The following MCTP2 variants were observed in gnomAD, a reference collection of about 807,000 sequenced individuals.
MCTP2 encodes multiple C2 and transmembrane domain containing 2.
A neutral mutation model predicts 111.6 loss-of-function variants in MCTP2; 132 were observed. The ratio of observed to expected loss-of-function variants is 1.18; its 90% CI spans 1.03 to 1.37. MCTP2 has a LOEUF of 1.37. MCTP2 is among the 40% of genes most tolerant of loss of function. The pLI, the probability that MCTP2 is intolerant of heterozygous loss-of-function variation, is 0.00. For missense variants in MCTP2, 1,183 were observed against 1,067.9 expected (o/e 1.11, Z -1.50); for synonymous variants, 395 against 387.7 (o/e 1.02, Z -0.22).
At chr15:94,428,177 A>C (rs2082985010) in intron 17 of MCTP2, among the ~76,000 whole-genome samples, 1 of 152,148 alleles carries the variant, frequency 6.6e-6, no homozygotes, top group South Asian at 2.1e-4. Flanking sequence ...TTGATATTTA[A>C]GTTCATGAGG....
At chr15:94,255,173 A>G (rs985514616) in intron 1 of MCTP2, among the ~76,000 whole-genome samples, 6 of 152,190 alleles carry the variant, frequency 3.9e-5, no homozygotes, top group Non-Finnish European at 8.8e-5. Context: ...CTATACCCCA[A>G]TTAGTTTATG....
chr15:94,362,435 A>G (rs2078988955), intron 10 of MCTP2, among the ~76,000 whole-genome samples: 1 of 152,238 alleles, frequency 6.6e-6, no homozygotes, highest in Non-Finnish European at 1.5e-5. Flanking sequence ...CATTTGGACT[A>G]GCCTGCCTCA....
chr15:94,335,860 C>A (rs981273894), intron 4 of MCTP2, among the ~76,000 whole-genome samples: 3 of 151,918 alleles, frequency 2.0e-5, no homozygotes, highest in Non-Finnish European at 4.4e-5. Flanking sequence ...ATTTTTTTTC[C>A]TGTAAAATGC....
At chr15:94,325,844 G>A (rs1320698004) in intron 4 of MCTP2, among the ~76,000 whole-genome samples, 2 of 98,828 alleles carry the variant, frequency 2.0e-5, no homozygotes, top group Non-Finnish European at 3.6e-5. Context: ...TTTTTGAGAC[G>A]GAGTCTTGGT....
At chr15:94,294,891 T>C (rs926856161) in intron 1 of MCTP2, among the ~76,000 whole-genome samples, 75 of 151,682 alleles carry the variant, frequency 4.9e-4, no homozygotes, top group African/African-American at 1.8e-3. Flanking sequence ...TACTTTTATT[T>C]ATATTTATTT....
rs201403976 is a variant in MCTP2, at chr15:94,340,181, C to T, written c.781-18C>T. Reference sequence around the variant, plus strand: ...TTTACCATAATAATGTGTTAATTGACCTCTGTCCTCTTTGTAGGTATATGA... The same window carrying T: ...TTTACCATAATAATGTGTTAATTGATCTCTGTCCTCTTTGTAGGTATATGA... On this transcript the variant is annotated intron_variant, in intron 5 of 22. Coordinates refer to ENST00000357742, the MANE Select transcript of MCTP2 (RefSeq NM_001385001.1). 3.2e-6 allele frequency: 5 copies of T among 1,573,262 alleles called. No individual in the cohort carries two copies. In the East Asian group the frequency reaches 9.0e-5, roughly 28 times the overall value.
In MCTP2 at chr15:94,340,925, G is replaced by A. The variant is rs777630390; in HGVS notation, c.969+1G>A. ...AAAACAGGGTGATTTCAAGAGACAC[G>A]TAAGTGGGACCTTCTATTCTTTTGA... On this transcript the variant is annotated splice_donor_variant, in intron 7 of 22. Transcript: ENST00000357742. LOFTEE classifies it high-confidence loss of function. 10 of 1,564,284 alleles carry A rather than the reference G, an allele frequency of 6.4e-6. No homozygotes were observed. Among genetic ancestry groups the A allele is most frequent in the East Asian group, 4.5e-5 (2 of 44,584 alleles).
At chr15:94,318,073 G>A (rs7176196) in intron 4 of MCTP2, among the ~76,000 whole-genome samples, 127,496 of 152,044 alleles carry the variant, frequency 0.84, 53,922 homozygotes, top group East Asian at 0.99. Context: ...GCCTCCCACA[G>A]ATATCCTGAT....
chr15:94,281,298 T>A (rs1221395665), intron 1 of MCTP2, among the ~76,000 whole-genome samples: 1 of 152,184 alleles, frequency 6.6e-6, no homozygotes, highest in Non-Finnish European at 1.5e-5. Context: ...TGAATTGAAC[T>A]CTTTATCATT....
At chr15:94,453,023 G>A (rs2084564525) in intron 19 of MCTP2, among the ~76,000 whole-genome samples, 4 of 152,150 alleles carry the variant, frequency 2.6e-5, no homozygotes, top group Admixed American at 2.6e-4. Flanking sequence ...TTTCTTTACT[G>A]AAGAATTTTA....
chr15:94,468,156 T>C (rs552770998), intron 20 of MCTP2, among the ~76,000 whole-genome samples: 125 of 152,208 alleles, frequency 8.2e-4, no homozygotes, highest in African/African-American at 2.9e-3. Context: ...CAAACTGATA[T>C]TGGAAATCAC....
chr15:94,401,847 G>A (rs923627380), intron 16 of MCTP2, 53 bp from the exon 17 acceptor site: 1 of 1,430,518 alleles, frequency 7.0e-7, no homozygotes, highest in South Asian at 1.3e-5. Flanking sequence ...GATCTAGATG[G>A]AATATTTGTA....
intron 1 of MCTP2, among the ~76,000 whole-genome samples, chr15:94,257,828 G>T (rs1323258848): frequency 6.7e-6 from 1 of 150,286 alleles, no homozygotes; most frequent in African/African-American, 2.4e-5. Flanking sequence ...CTTGTGATCT[G>T]CCCTCCTCGG....
At chr15:94,462,178 C>G (rs1354208454) in intron 20 of MCTP2, among the ~76,000 whole-genome samples, 10 of 152,176 alleles carry the variant, frequency 6.6e-5, no homozygotes, top group African/African-American at 2.4e-5. Context: ...GGGGAGGACC[C>G]AGAGAATATA....
intron 1 of MCTP2, among the ~76,000 whole-genome samples, chr15:94,288,680 C>T (rs1472412775): frequency 6.6e-6 from 1 of 152,138 alleles, no homozygotes; most frequent in Non-Finnish European, 1.5e-5. Flanking sequence ...AAAATGTTAA[C>T]TCACATGGGA....
chr15:94,425,522 C>CA (rs1567680957), intron 17 of MCTP2, among the ~76,000 whole-genome samples: 1 of 151,412 alleles, frequency 6.6e-6, no homozygotes, highest in Non-Finnish European at 1.5e-5. Flanking sequence ...ATAAAAAAAA[C>CA]AGCAGAATGA....
intron 14 of MCTP2, among the ~76,000 whole-genome samples, chr15:94,390,110 A>ATATATATATG (rs2080856187): frequency 3.1e-5 from 1 of 32,552 alleles, no homozygotes; most frequent in African/African-American, 7.8e-5. Context: ...ATATATATAT[A>ATATATATATG]TATGTATATA....
intron 1 of MCTP2, chr15:94,278,211 A>G (rs1463211220): frequency 6.6e-6 from 1 of 152,164 alleles, no homozygotes; most frequent in African/African-American, 2.4e-5. Context: ...ATAGGAACCA[A>G]TTTGAAGGAC....
intron 12 of MCTP2, among the ~76,000 whole-genome samples, chr15:94,382,837 G>C (rs201911387): frequency 6.6e-6 from 1 of 152,236 alleles, no homozygotes; most frequent in African/African-American, 2.4e-5. Flanking sequence ...CCGGCAATGC[G>C]TTAATGTCCT....
Sources: allele counts gnomAD v4.1 joint callset (sites outside exome capture counted in the v4.1 genomes callset), GRCh38; gene constraint gnomAD v4.1.1; transcripts MANE v1.5; gene names NCBI Gene and HGNC (gene_info 2026-07-23, HGNC 2026-07-21).